IGFL2: variants seen among roughly 807,000 people sequenced by gnomAD.
IGFL2 encodes the protein IGF like family member 2.
A neutral mutation model predicts 13.9 loss-of-function variants in IGFL2; 7 were observed. That is an observed-to-expected ratio of 0.51 (90% CI 0.29 to 0.95). IGFL2 has a LOEUF of 0.95. Among genes scored for constraint, IGFL2 ranks in the 40% least tolerant of loss-of-function variants. IGFL2 has a pLI of 0.08. For synonymous variants in IGFL2, 55 were observed against 55.8 expected (o/e 0.99, Z 0.07); for missense variants, 138 against 147.8 (o/e 0.93, Z 0.34).
chr19:46,121,652 C>T, the IGFL2 span, among the ~76,000 whole-genome samples: 199 of 150,544 alleles, frequency 1.3e-3, 5 homozygotes, highest in Admixed American at 2.2e-3. Context: ...GTTAGTGTCA[C>T]GTGAGTAGTA....
chr19:46,187,675 G>A, the IGFL2 span, among the ~76,000 whole-genome samples: 559 of 85,096 alleles, frequency 6.6e-3, 1 homozygote, highest in Middle Eastern at 0.061. Flanking sequence ...ACCCGTTTAA[G>A]CCTGAGGTTG....
the IGFL2 span, among the ~76,000 whole-genome samples, chr19:46,098,396 A>T: frequency 0.013 from 2,012 of 150,792 alleles, 31 homozygotes; most frequent in Middle Eastern, 0.028. Context: ...TATGTGTATC[A>T]TTGCATGGAG....
chr19:46,202,915 G>A, the IGFL2 span: 1 of 152,200 alleles, frequency 6.6e-6, no homozygotes, highest in Non-Finnish European at 1.5e-5. Flanking sequence ...ATGGAGAGAG[G>A]GCGAGGACAG....
downstream of IGFL2, chr19:46,164,177 T>TCTCCCTCTGGGAGAG (rs1974287818): frequency 1.3e-5 from 2 of 151,720 alleles, no homozygotes; most frequent in Admixed American, 6.6e-5. Flanking sequence ...GTGGCCCGTC[T>TCTCCCTCTGGGAGAG]CTCCCTCTGG....
chr19:46,191,493 G>A, the IGFL2 span, among the ~76,000 whole-genome samples: 4 of 152,288 alleles, frequency 2.6e-5, no homozygotes, highest in Admixed American at 6.5e-5. Context: ...ACAAGTAAAC[G>A]TTGCCAGAGT....
At chr19:46,133,598 C>G in the IGFL2 span, among the ~76,000 whole-genome samples, 1 of 152,182 alleles carries the variant, frequency 6.6e-6, no homozygotes, top group East Asian at 1.9e-4. Context: ...CATGCCAGGG[C>G]AAATATCTAG....
At chr19:46,113,601 T>C in the IGFL2 span, 2 of 284,952 alleles carry the variant, frequency 7.0e-6, no homozygotes, top group African/African-American at 2.3e-5. Context: ...TGAAGACTTT[T>C]GGCTCCACTG....
At chr19:46,154,846 G>C (rs1973725891) in intron 1 of IGFL2, among the ~76,000 whole-genome samples, 1 of 152,026 alleles carries the variant, frequency 6.6e-6, no homozygotes, top group African/African-American at 2.4e-5. Flanking sequence ...GTGTTCTTAG[G>C]CATGAACTTC....
the IGFL2 span, chr19:46,209,572 C>T: frequency 6.6e-6 from 1 of 152,004 alleles, no homozygotes; most frequent in Non-Finnish European, 1.5e-5. Flanking sequence ...ACTGCAACTA[C>T]TAAGAAAAAT....
the IGFL2 span, among the ~76,000 whole-genome samples, chr19:46,133,619 G>C: frequency 1.3e-5 from 2 of 152,210 alleles, no homozygotes; most frequent in South Asian, 2.1e-4. Context: ...GCTAAAATGC[G>C]GTAGCTAAGA....
At chr19:46,170,481 T>G in the IGFL2 span, among the ~76,000 whole-genome samples, 1 of 152,188 alleles carries the variant, frequency 6.6e-6, no homozygotes, top group African/African-American at 2.4e-5. Context: ...GTTTGAACAG[T>G]TTGAAATCTG....
At chr19:46,154,631 A>G (rs951368411) in intron 1 of IGFL2, among the ~76,000 whole-genome samples, 1 of 151,342 alleles carries the variant, frequency 6.6e-6, no homozygotes, top group Non-Finnish European at 1.5e-5. Flanking sequence ...TTTTTTTTTT[A>G]GTAGAGACGG....
At chr19:46,191,623 G>A in the IGFL2 span, among the ~76,000 whole-genome samples, 1 of 152,108 alleles carries the variant, frequency 6.6e-6, no homozygotes, top group Non-Finnish European at 1.5e-5. Flanking sequence ...AGACATGAGG[G>A]CCCTTTTCTC....
the IGFL2 span, among the ~76,000 whole-genome samples, chr19:46,110,274 G>T: frequency 1.3e-5 from 2 of 152,168 alleles, no homozygotes; most frequent in African/African-American, 4.8e-5. Context: ...TGTTCAGGGC[G>T]CAGTTTTTGG....
the IGFL2 span, among the ~76,000 whole-genome samples, chr19:46,105,178 T>C: frequency 6.6e-6 from 1 of 152,188 alleles, no homozygotes; most frequent in Non-Finnish European, 1.5e-5. Flanking sequence ...TGGAGGACCC[T>C]TGTGTAATGA....
the IGFL2 span, among the ~76,000 whole-genome samples, chr19:46,089,607 A>G: frequency 7.1e-6 from 1 of 141,756 alleles, no homozygotes; most frequent in Non-Finnish European, 1.5e-5. Flanking sequence ...TCTCTCCTTC[A>G]TTTCTGAAGA....
chr19:46,193,380 T>G, the IGFL2 span, among the ~76,000 whole-genome samples: 1 of 152,148 alleles, frequency 6.6e-6, no homozygotes, highest in East Asian at 1.9e-4. Flanking sequence ...GTCTCAGTTA[T>G]CAGATCAACT....
At chr19:46,198,627 A>C in the IGFL2 span, among the ~76,000 whole-genome samples, 1 of 152,120 alleles carries the variant, frequency 6.6e-6, no homozygotes, top group Admixed American at 6.5e-5. Flanking sequence ...AACTCTCTTT[A>C]AATTAGATTC....
At chr19:46,200,642 A>G in the IGFL2 span, 1 of 152,820 alleles carries the variant, frequency 6.5e-6, no homozygotes. Flanking sequence ...CAGCCTCCCA[A>G]ATAGCTGAGA....
Sources: gnomAD v4.1 joint callset for allele counts (sites outside exome capture counted in the v4.1 genomes callset) on GRCh38, gnomAD v4.1.1 for gene constraint, MANE v1.5 for transcripts, NCBI Gene and HGNC (gene_info 2026-07-23, HGNC 2026-07-21) for gene names.